Variants in AFG1L observed in about 807,000 individuals in gnomAD.
The protein encoded by AFG1L is AFG1-like ATPase.
Under a neutral mutation model 62.2 loss-of-function variants are expected in AFG1L, and 53 were observed. That is an observed-to-expected ratio of 0.85 (90% CI 0.68 to 1.07). AFG1L has a LOEUF of 1.07. AFG1L is among the 50% of genes least tolerant of loss of function. AFG1L has a pLI of 0.00. For synonymous variants in AFG1L, 228 were observed against 210.3 expected (o/e 1.08, Z -0.73); for missense variants, 555 against 590.5 (o/e 0.94, Z 0.62).
chr6:108,448,456 C>CT (rs1402607549), intron 8 of AFG1L, among the ~76,000 whole-genome samples: 1 of 150,906 alleles, frequency 6.6e-6, no homozygotes, highest in African/African-American at 2.4e-5. Flanking sequence ...TCTCTTTATT[C>CT]TTTTTTTAAA....
chr6:108,394,799 C>G (rs1781218668), intron 6 of AFG1L, among the ~76,000 whole-genome samples: 1 of 152,178 alleles, frequency 6.6e-6, no homozygotes, highest in African/African-American at 2.4e-5. Context: ...TATTTATGAA[C>G]AAAGCTGATG....
intron 2 of AFG1L, among the ~76,000 whole-genome samples, chr6:108,327,426 G>A (rs746515857): frequency 7.2e-5 from 11 of 152,210 alleles, no homozygotes; most frequent in Non-Finnish European, 1.5e-4. Context: ...AAGATTTCTT[G>A]TAGTTCTGGG....
Position 108,295,192 on chromosome 6 carries a change from C to A in AFG1L, c.113C>A (p.Thr38Asn). The change falls in exon 1 of 13, where the codon ACC becomes AAC. Residue 38 changes from threonine (T) to asparagine (N), a missense_variant. Transcript: ENST00000368977. ...GCCGCCGCTCTCGCTCCTCTGGCCACCGCCCCTGGGAAGCCCTTTTGGAAA... is the reference window on the plus strand; with the variant it reads ...GCCGCCGCTCTCGCTCCTCTGGCCAACGCCCCTGGGAAGCCCTTTTGGAAA... The part of the protein sequence containing the change: ...AWAAALAPLA[T>N]APGKPFWKAY... 1 of 1,606,188 alleles carries A rather than the reference C, an allele frequency of 6.2e-7. No individual in the cohort carries two copies. The highest frequency in any genetic ancestry group is 8.5e-7 in the Non-Finnish European group (1 of 1,179,834).
At chr6:108,479,687 A>G (rs1773256165) in intron 10 of AFG1L, among the ~76,000 whole-genome samples, 1 of 152,218 alleles carries the variant, frequency 6.6e-6, no homozygotes, top group African/African-American at 2.4e-5. Flanking sequence ...AAAACTCTTA[A>G]TGAGTTATAA....
At position 108,480,283 on chromosome 6, in the gene AFG1L, G is replaced by T. The variant is rs971108403; in HGVS notation, c.1062+2991G>T. ...AGCCACACATCAGGTATCATTCTAA[G>T]CGCTTTTATATATTAACTCATTTGA... is the stretch of plus-strand genomic sequence containing the variant. On this transcript the variant is annotated intron_variant, in intron 10 of 12. Coordinates refer to ENST00000368977, the MANE Select transcript of AFG1L (RefSeq NM_145315.5). Among the ~76,000 whole-genome samples, 7 of 152,244 alleles carry T rather than the reference G, an allele frequency of 4.6e-5. No homozygotes were observed. In the East Asian group the frequency reaches 1.2e-3, roughly 25 times the overall value.
At position 108,305,310 on chromosome 6, in the gene AFG1L, A is replaced by G. The variant is rs1193094325; in HGVS notation, c.139+10092A>G. Among the ~76,000 whole-genome samples, 10 of 152,194 alleles carry G rather than the reference A, an allele frequency of 6.6e-5. 1 individual carries two copies. The highest frequency in any genetic ancestry group is 2.6e-4 in the Admixed American group (4 of 15,278). On this transcript the variant is annotated intron_variant, in intron 1 of 12. Coordinates refer to ENST00000368977, the MANE Select transcript of AFG1L (RefSeq NM_145315.5). ...GTGCAAAGGGCCTCTGTAGATAACCAGGTGTGGTTTTTGTTCTCCTGGACT... is the reference window on the plus strand; with the variant it reads ...GTGCAAAGGGCCTCTGTAGATAACCGGGTGTGGTTTTTGTTCTCCTGGACT...
At chr6:108,400,368 A>C (rs938919616) in intron 6 of AFG1L, among the ~76,000 whole-genome samples, 1 of 151,394 alleles carries the variant, frequency 6.6e-6, no homozygotes, top group African/African-American at 2.4e-5. Flanking sequence ...CGTTATTTCT[A>C]TACCTAGTTT....
rs1562104773 is a variant in AFG1L at position 108,356,705 on chromosome 6, AAC to A, written c.535_536del (p.Gln179GlufsTer12). The A allele has an allele frequency of 1.2e-6, 2 of 1,611,280 alleles. No individual in the cohort carries two copies. Among genetic ancestry groups the A allele is most frequent in the Non-Finnish European group, 1.7e-6 (2 of 1,178,760 alleles). ...TGCATTTAAGGAATACATCGCCTTA[AAC>A]AGAGTTTGCCAAAAAGGAAACCAGG... On this transcript the variant is annotated frameshift_variant, in exon 5 of 13. Coordinates refer to ENST00000368977, the MANE Select transcript of AFG1L (RefSeq NM_145315.5). LOFTEE classifies it high-confidence loss of function.
chr6:108,408,030 A>T (rs1781934725), intron 7 of AFG1L, among the ~76,000 whole-genome samples: 1 of 151,520 alleles, frequency 6.6e-6, no homozygotes, highest in Non-Finnish European at 1.5e-5. Flanking sequence ...GCATTTAGTG[A>T]TTATTACATT....
intron 6 of AFG1L, among the ~76,000 whole-genome samples, chr6:108,370,410 A>AG (rs1779951996): frequency 2.0e-5 from 3 of 152,190 alleles, no homozygotes; most frequent in African/African-American, 7.2e-5. Context: ...ATTTTCAGTG[A>AG]GGGGCCTCTT....
chr6:108,453,826 A>C (rs1051450249), intron 8 of AFG1L, among the ~76,000 whole-genome samples: 1 of 152,130 alleles, frequency 6.6e-6, no homozygotes, highest in African/African-American at 2.4e-5. Context: ...TACCATTACA[A>C]TTCTGTCCCA....
intron 7 of AFG1L, among the ~76,000 whole-genome samples, chr6:108,406,408 G>A (rs1447838405): frequency 6.7e-6 from 1 of 150,050 alleles, no homozygotes; most frequent in Admixed American, 6.7e-5. Flanking sequence ...TAATGATATT[G>A]AGTAACTTTT....
chr6:108,517,654 G>A (rs902440726), intron 11 of AFG1L, among the ~76,000 whole-genome samples: 3 of 152,156 alleles, frequency 2.0e-5, no homozygotes, highest in Non-Finnish European at 4.4e-5. Flanking sequence ...TTGACAAATG[G>A]GATCTAATTA....
chr6:108,494,064 C>T (rs957137460), intron 10 of AFG1L, among the ~76,000 whole-genome samples: 8 of 152,172 alleles, frequency 5.3e-5, no homozygotes, highest in Admixed American at 3.9e-4. Flanking sequence ...TCAAGCAATC[C>T]GCCCGTCTCG....
chr6:108,330,831 T>C (rs772328916), intron 2 of AFG1L, among the ~76,000 whole-genome samples: 1 of 152,238 alleles, frequency 6.6e-6, no homozygotes, highest in Non-Finnish European at 1.5e-5. Context: ...TAAATTCAGC[T>C]AATTACTACC....
At chr6:108,432,222 G>A (rs981775345) in intron 7 of AFG1L, among the ~76,000 whole-genome samples, 5 of 151,958 alleles carry the variant, frequency 3.3e-5, no homozygotes, top group Non-Finnish European at 7.4e-5. Context: ...TATAACTTAC[G>A]GTCATCTGGT....
chr6:108,490,291 C>T (rs1330394394), intron 10 of AFG1L, among the ~76,000 whole-genome samples: 4 of 152,100 alleles, frequency 2.6e-5, no homozygotes, highest in Non-Finnish European at 4.4e-5. Context: ...ACCCAGGAGG[C>T]GGAGGTTGTA....
chr6:108,502,478 T>C (rs1003220315), intron 10 of AFG1L, among the ~76,000 whole-genome samples: 1 of 152,162 alleles, frequency 6.6e-6, no homozygotes, highest in Admixed American at 6.5e-5. Context: ...GTGCTGAGAT[T>C]ACAGGCATGA....
intron 4 of AFG1L, among the ~76,000 whole-genome samples, chr6:108,356,053 T>G (rs1345223412): frequency 6.6e-6 from 1 of 152,204 alleles, no homozygotes; most frequent in Non-Finnish European, 1.5e-5. Context: ...TTTAAATAAG[T>G]GATTCTTGAT....
Sources: gnomAD v4.1 joint callset for allele counts (sites outside exome capture counted in the v4.1 genomes callset) on GRCh38, gnomAD v4.1.1 for gene constraint, MANE v1.5 for transcripts, NCBI Gene and HGNC (gene_info 2026-07-23, HGNC 2026-07-21) for gene names.